The following RPS6KC1 variants were observed in gnomAD, a reference collection of about 807,000 sequenced individuals.
RPS6KC1 encodes the protein ribosomal protein S6 kinase C1.
A neutral mutation model predicts 103.8 loss-of-function variants in RPS6KC1; 54 were observed. The observed-to-expected ratio is 0.52, with a 90% CI of 0.42 to 0.65. The LOEUF is 0.65. RPS6KC1 is among the 30% of genes least tolerant of loss of function. The pLI is 0.00. For synonymous variants in RPS6KC1, 439 were observed against 438.7 expected (o/e 1.00, Z -0.01); for missense variants, 1,151 against 1,253.8 (o/e 0.92, Z 1.24).
At chr1:213,815,363 T>C in the RPS6KC1 span, among the ~76,000 whole-genome samples, 1 of 152,212 alleles carries the variant, frequency 6.6e-6, no homozygotes, top group Non-Finnish European at 1.5e-5. Flanking sequence ...AACAAACTAG[T>C]AATTAATGTA....
the RPS6KC1 span, among the ~76,000 whole-genome samples, chr1:213,509,965 T>A: frequency 6.6e-6 from 1 of 152,244 alleles, no homozygotes; most frequent in Non-Finnish European, 1.5e-5. Context: ...AACAGCAAGA[T>A]ATCTGGTCTC....
the RPS6KC1 span, among the ~76,000 whole-genome samples, chr1:213,466,292 T>A: frequency 6.6e-6 from 1 of 152,086 alleles, no homozygotes; most frequent in Admixed American, 6.6e-5. Context: ...TGAAAAAAAA[T>A]TGTTGATACT....
chr1:213,129,603 T>C lies in RPS6KC1; in HGVS notation c.549T>C (p.Ala183=). The C allele has an allele frequency of 6.2e-7, 1 of 1,614,058 alleles. No homozygotes were observed. The highest frequency in any genetic ancestry group is 8.5e-7 in the Non-Finnish European group (1 of 1,179,934). The change falls in exon 6 of 15, where the codon GCT becomes GCC. Residue 183 remains alanine (A), a synonymous_variant. Coordinates refer to ENST00000366960, the MANE Select transcript of RPS6KC1 (RefSeq NM_012424.6). The stretch of plus-strand genomic sequence containing the variant: ...TTGCTGAGTTAGATGATGGAATGGC[T>C]TCCAATCAAAATTCTCCCATTAGAA... The part of the protein sequence containing the change: ...DSLAELDDGM[A]SNQNSPIRTF...
chr1:213,845,370 C>T, the RPS6KC1 span, among the ~76,000 whole-genome samples: 6 of 152,160 alleles, frequency 3.9e-5, no homozygotes, highest in Admixed American at 1.3e-4. Flanking sequence ...GCTTTCCTCC[C>T]TGGCCACCTC....
At chr1:213,381,364 C>T in the RPS6KC1 span, among the ~76,000 whole-genome samples, 1 of 151,898 alleles carries the variant, frequency 6.6e-6, no homozygotes, top group Non-Finnish European at 1.5e-5. Flanking sequence ...CCTCCTTAGC[C>T]GGGTGCTTAT....
At chr1:213,538,664 G>A in the RPS6KC1 span, among the ~76,000 whole-genome samples, 1 of 152,156 alleles carries the variant, frequency 6.6e-6, no homozygotes, top group Non-Finnish European at 1.5e-5. Flanking sequence ...GTAGGAATGA[G>A]TTTGTTTTGA....
At chr1:213,249,482 C>T (rs543464994) in intron 12 of RPS6KC1, among the ~76,000 whole-genome samples, 1 of 152,300 alleles carries the variant, frequency 6.6e-6, no homozygotes, top group South Asian at 2.1e-4. Flanking sequence ...CCTTTAATAG[C>T]CATGCGTGTA....
At chr1:213,070,373 A>G (rs1261350081) in intron 1 of RPS6KC1, among the ~76,000 whole-genome samples, 1 of 152,224 alleles carries the variant, frequency 6.6e-6, no homozygotes, top group Admixed American at 6.5e-5. Flanking sequence ...TGTAGTGAAT[A>G]TATGAACTTT....
At chr1:213,471,765 T>C in the RPS6KC1 span, among the ~76,000 whole-genome samples, 1 of 151,644 alleles carries the variant, frequency 6.6e-6, no homozygotes, top group Non-Finnish European at 1.5e-5. Context: ...TTTTTTTGGA[T>C]TATGGATACC....
intron 4 of RPS6KC1, among the ~76,000 whole-genome samples, chr1:213,114,434 T>C (rs2083358146): frequency 2.0e-5 from 3 of 147,770 alleles, no homozygotes; most frequent in Admixed American, 2.0e-4. Context: ...TGAAGTTGCT[T>C]ATCAGCTTAA....
At chr1:213,348,532 G>A in the RPS6KC1 span, among the ~76,000 whole-genome samples, 1 of 152,156 alleles carries the variant, frequency 6.6e-6, no homozygotes, top group Non-Finnish European at 1.5e-5. Context: ...CAACACCAAG[G>A]AGGGTGGAGA....
the RPS6KC1 span, among the ~76,000 whole-genome samples, chr1:213,669,397 C>T: frequency 2.6e-5 from 4 of 152,104 alleles, no homozygotes; most frequent in Admixed American, 6.5e-5. Flanking sequence ...GCAACACACA[C>T]GTTTATTGAT....
chr1:213,211,327 C>T (rs2093498751), intron 8 of RPS6KC1, among the ~76,000 whole-genome samples: 1 of 152,150 alleles, frequency 6.6e-6, no homozygotes, highest in South Asian at 2.1e-4. Context: ...CCGTTTATGG[C>T]CTTGGGCAGA....
At chr1:213,556,961 G>C in the RPS6KC1 span, among the ~76,000 whole-genome samples, 6 of 152,272 alleles carry the variant, frequency 3.9e-5, no homozygotes, top group South Asian at 1.2e-3. Flanking sequence ...TCAGAATTGG[G>C]ACAGTCTTCC....
chr1:213,558,538 C>T, the RPS6KC1 span, among the ~76,000 whole-genome samples: 9 of 152,206 alleles, frequency 5.9e-5, no homozygotes, highest in African/African-American at 2.2e-4. Flanking sequence ...ACAAACTACC[C>T]ATTGGAGCTT....
chr1:213,226,695 C>T (rs949334055), intron 8 of RPS6KC1, among the ~76,000 whole-genome samples: 4 of 152,156 alleles, frequency 2.6e-5, no homozygotes, highest in African/African-American at 9.7e-5. Flanking sequence ...GAAAGTTACA[C>T]ATGACTTCCT....
rs1399587120 is a variant in RPS6KC1 at position 213,262,767 on chromosome 1, T to C, written c.3041T>C (p.Leu1014Ser). The change falls in exon 14 of 15, where the codon TTG (leucine) becomes TCG (serine). Residue 1014 changes from leucine (L) to serine (S), a missense_variant. Transcript: ENST00000366960. ...HPAGINTHTT[L>S]NMPECVSEEA... ...GCAGGAATAAATACTCACACTACTT[T>C]GAACATGCCAGAATGTGTCTCTGAA... The C allele has an allele frequency of 6.2e-7, 1 of 1,613,566 alleles. No individual in the cohort carries two copies. Among genetic ancestry groups the C allele is most frequent in the Non-Finnish European group, 8.5e-7 (1 of 1,179,462 alleles).
intron 8 of RPS6KC1, among the ~76,000 whole-genome samples, chr1:213,192,011 C>T (rs2092766525): frequency 6.6e-6 from 1 of 151,922 alleles, no homozygotes; most frequent in African/African-American, 2.4e-5. Flanking sequence ...GATTCAGCCT[C>T]CCAAAGTGCT....
At chr1:213,249,810 T>G (rs2094514058) in intron 12 of RPS6KC1, among the ~76,000 whole-genome samples, 1 of 152,188 alleles carries the variant, frequency 6.6e-6, no homozygotes, top group Non-Finnish European at 1.5e-5. Flanking sequence ...TTATTTTATC[T>G]CACAAGAAAA....
Sources: allele counts gnomAD v4.1 joint callset (sites outside exome capture counted in the v4.1 genomes callset), GRCh38; gene constraint gnomAD v4.1.1; transcripts MANE v1.5; gene names NCBI Gene and HGNC (gene_info 2026-07-23, HGNC 2026-07-21).